Variants in ZNF846 observed in about 807,000 individuals in gnomAD.
ZNF846 encodes the protein zinc finger protein 420 pseudogene.
A neutral mutation model predicts 16.0 loss-of-function variants in ZNF846; 15 were observed. The observed-to-expected ratio is 0.94, with a 90% confidence interval of 0.63 to 1.45. The LOEUF (loss-of-function observed/expected upper bound fraction) is 1.45, where lower values mean the gene tolerates loss of function less well. Ranked by LOEUF, ZNF846 falls within the 40% of genes most tolerant of loss-of-function variation. The probability of loss-of-function intolerance (pLI) is 0.00; values close to 1 mark genes in which losing one functional copy is unlikely to be tolerated. For missense variants in ZNF846, 714 were observed against 622.3 expected (o/e 1.15, Z -1.57); for synonymous variants, 229 against 212.0 (o/e 1.08, Z -0.70).
At position 9,774,285 on chromosome 19, in the gene ZNF846, G is replaced by C. The variant is rs970495765; in HGVS notation, c.-85-9250C>G. 2.0e-5 allele frequency among the ~76,000 whole-genome samples: 3 copies of C among 152,054 alleles called. No homozygotes were observed. In the South Asian group the frequency reaches 6.2e-4, roughly 32 times the overall value. ...AGATAGAGACCACCCTGGCTAACAC[G>C]ATGAAACCCAGTCTCTACTAAAAAT... is the stretch of plus-strand genomic sequence containing the variant. On this transcript the variant is annotated intron_variant, in intron 1 of 4. Transcript: ENST00000586814.
At chr19:9,763,843 A>T (rs1024543905) in intron 2 of ZNF846, among the ~76,000 whole-genome samples, 3 of 152,250 alleles carry the variant, frequency 2.0e-5, no homozygotes, top group Admixed American at 6.5e-5. Flanking sequence ...AAGAATTAGT[A>T]AACATTGAGA....
upstream of ZNF846, among the ~76,000 whole-genome samples, chr19:9,772,665 G>T (rs187553389): frequency 8.6e-5 from 13 of 151,824 alleles, no homozygotes; most frequent in East Asian, 1.7e-3. Context: ...TATGAATATG[G>T]ATTCAAATAT....
exon 1 of ZNF846, chr19:9,768,506 AG>A (rs1019955053): frequency 6.6e-6 from 1 of 152,176 alleles, no homozygotes; most frequent in African/African-American, 2.4e-5. Flanking sequence ...CGCTCAGAAG[AG>A]AAGGCGGGAA....
rs191946095 is a variant in ZNF846, at chr19:9,759,993, C to T, written c.230-51G>A. On this transcript the variant is annotated intron_variant, in intron 4 of 5. Transcript: ENST00000397902. The stretch of plus-strand genomic sequence containing the variant: ...TGGGAGAAAAATTGTGGAATAAAGT[C>T]GTTTAAAAGCCTATGGGGCTGGGCG... The T allele has an allele frequency of 1.2e-3, 1,755 of 1,455,296 alleles. 27 individuals are homozygous for T. In the South Asian group the frequency reaches 0.015, roughly 12 times the overall value. The allele number at this position is 1,455,296 out of a possible 1,614,324, so 90.1% of individuals were successfully genotyped here. A position where few individuals can be genotyped will look rare whatever the true frequency, so the allele number is the denominator to read the frequency against.
At chr19:9,749,922 C>T (rs2045070746), downstream of ZNF846, among the ~76,000 whole-genome samples, 1 of 152,118 alleles carries the variant, frequency 6.6e-6, no homozygotes, top group African/African-American at 2.4e-5. Flanking sequence ...ACTTACGGCA[C>T]CTTTCTCTTT....
At chr19:9,759,512 A>G (rs539175094) in intron 5 of ZNF846, among the ~76,000 whole-genome samples, 1 of 151,802 alleles carries the variant, frequency 6.6e-6, no homozygotes, top group African/African-American at 2.4e-5. Context: ...CTGAGGCTGG[A>G]GGATCATTTG....
intron 1 of ZNF846, among the ~76,000 whole-genome samples, chr19:9,779,263 T>C (rs1235776342): frequency 2.0e-5 from 3 of 151,996 alleles, no homozygotes; most frequent in African/African-American, 7.2e-5. Context: ...AAAAGGAATT[T>C]ATTTATTTAT....
downstream of ZNF846, among the ~76,000 whole-genome samples, chr19:9,749,917 C>T (rs1050990753): frequency 2.7e-4 from 41 of 152,124 alleles, no homozygotes; most frequent in African/African-American, 8.7e-4. Context: ...CATCTACTTA[C>T]GGCACCTTTC....
chr19:9,779,366 T>C (rs2145314103), intron 1 of ZNF846, among the ~76,000 whole-genome samples: 1 of 152,118 alleles, frequency 6.6e-6, no homozygotes, highest in East Asian at 1.9e-4. Context: ...CCTCCCGGGT[T>C]CAAGCGATTC....
chr19:9,754,220 G>A (rs918863922), downstream of ZNF846, among the ~76,000 whole-genome samples: 1 of 151,294 alleles, frequency 6.6e-6, no homozygotes, highest in African/African-American at 2.5e-5. Flanking sequence ...TATTTACATG[G>A]AATGATCTTT....
At chr19:9,761,544 C>A (rs1031683131) in intron 4 of ZNF846, among the ~76,000 whole-genome samples, 2 of 151,920 alleles carry the variant, frequency 1.3e-5, no homozygotes, top group Admixed American at 6.6e-5. Context: ...AATCCCATCT[C>A]TACAAAAATA....
Sources: gnomAD v4.1 joint callset for allele counts (sites outside exome capture counted in the v4.1 genomes callset) on GRCh38, gnomAD v4.1.1 for gene constraint, MANE v1.5 for transcripts, NCBI Gene and HGNC (gene_info 2026-07-23, HGNC 2026-07-21) for gene names.